The following TBC1D32 variants were observed in gnomAD, a reference collection of about 807,000 sequenced individuals.
TBC1D32 encodes TBC1 domain family member 32, also known as protein broad-minded.
In TBC1D32, 151 loss-of-function variants were observed where a neutral mutation model predicts 170.3. The observed-to-expected ratio is 0.89, with a 90% CI of 0.78 to 1.01. The LOEUF (loss-of-function observed/expected upper bound fraction) is 1.01, where lower values mean the gene tolerates loss of function less well. TBC1D32 is among the 50% of genes least tolerant of loss of function. The pLI, the probability that TBC1D32 is intolerant of heterozygous loss-of-function variation, is 0.00. For missense variants in TBC1D32, 1,464 were observed against 1,457.1 expected (o/e 1.00, Z -0.08); for synonymous variants, 498 against 488.0 (o/e 1.02, Z -0.27).
chr6:121,161,130 A>G, intron 22 of TBC1D32, 74 bp from the exon 23 acceptor site: 6 of 1,148,926 alleles, frequency 5.2e-6, no homozygotes, highest in Non-Finnish European at 7.5e-6. Flanking sequence ...AAGTCTCTGG[A>G]TTGTAAAGAA....
intron 11 of TBC1D32, among the ~76,000 whole-genome samples, chr6:121,293,962 C>A (rs1211008771): frequency 2.6e-5 from 4 of 151,740 alleles, no homozygotes; most frequent in African/African-American, 9.7e-5. Flanking sequence ...AATAAGATAT[C>A]TATTAGTGTA....
At chr6:121,290,303 GA>G (rs1186641282) in intron 12 of TBC1D32, among the ~76,000 whole-genome samples, 1 of 151,840 alleles carries the variant, frequency 6.6e-6, no homozygotes, top group South Asian at 2.1e-4. Context: ...AAATTTACAA[GA>G]AAAAAACAAA....
At chr6:121,169,709 C>G (rs1055960764) in intron 22 of TBC1D32, among the ~76,000 whole-genome samples, 1 of 151,998 alleles carries the variant, frequency 6.6e-6, no homozygotes, top group African/African-American at 2.4e-5. Flanking sequence ...TTTCCTTCTA[C>G]AAAAAACCTA....
intron 31 of TBC1D32, among the ~76,000 whole-genome samples, chr6:121,085,298 TAC>T (rs1430233835): frequency 6.9e-6 from 1 of 145,466 alleles, no homozygotes; most frequent in South Asian, 2.1e-4. Flanking sequence ...CATATATACA[TAC>T]ATATATATAC....
chr6:121,081,216 TTAG>T (rs1775616635), intron 31 of TBC1D32, among the ~76,000 whole-genome samples: 1 of 152,170 alleles, frequency 6.6e-6, no homozygotes, highest in African/African-American at 2.4e-5. Flanking sequence ...AAATTTGTAA[TTAG>T]TAAAGACCCT....
chr6:121,294,780 C>A, intron 10 of TBC1D32, 120 bp from the exon 11 acceptor site: 6 of 776,016 alleles, frequency 7.7e-6, no homozygotes. Flanking sequence ...ATATTTAGTA[C>A]AGTACCTTTC....
intron 24 of TBC1D32, among the ~76,000 whole-genome samples, chr6:121,135,983 C>G (rs988310336): frequency 2.6e-5 from 4 of 152,064 alleles, no homozygotes; most frequent in African/African-American, 9.7e-5. Context: ...GGAAAGGCAA[C>G]AAAATTTAGC....
chr6:121,148,492 TA>T (rs140248731), intron 24 of TBC1D32, among the ~76,000 whole-genome samples: 3,222 of 152,272 alleles, frequency 0.021, 111 homozygotes, highest in African/African-American at 0.073. Flanking sequence ...ATCCTCTGGG[TA>T]TATACACACT....
intron 24 of TBC1D32, among the ~76,000 whole-genome samples, chr6:121,156,563 G>A (rs1235381863): frequency 6.6e-6 from 1 of 151,548 alleles, no homozygotes; most frequent in Non-Finnish European, 1.5e-5. Flanking sequence ...GCTAACTCTG[G>A]AGTCAGGTGG....
chr6:121,268,193 C>G (rs1800812895), intron 15 of TBC1D32, among the ~76,000 whole-genome samples: 1 of 152,124 alleles, frequency 6.6e-6, no homozygotes, highest in Admixed American at 6.6e-5. Flanking sequence ...AAAATCAGAG[C>G]ACTTCTTCTC....
At position 121,159,959 on chromosome 6, in the gene TBC1D32, T is replaced by C. The variant is rs773506067; in HGVS notation, c.2773+51A>G. 4.5e-6 allele frequency: 6 copies of C among 1,323,812 alleles called. No homozygotes were observed. In the East Asian group the frequency reaches 1.4e-4, roughly 31 times the overall value. The allele number at this position is 1,323,812 out of a possible 1,614,324, so 82.0% of individuals were successfully genotyped here. A position where few individuals can be genotyped will look rare whatever the true frequency, so the allele number is the denominator to read the frequency against. The stretch of plus-strand genomic sequence containing the variant: ...TCCTTAATATTTTCTTTTTTTCAAA[T>C]TATAACAAAAGCTTTAAAAATAATA... On this transcript the variant is annotated intron_variant, in intron 24 of 31. Transcript: ENST00000398212.
intron 29 of TBC1D32, among the ~76,000 whole-genome samples, chr6:121,107,248 T>C (rs1778785554): frequency 6.6e-6 from 1 of 151,948 alleles, no homozygotes; most frequent in African/African-American, 2.4e-5. Context: ...TTGCTAATGC[T>C]AGGATGCTTT....
intron 3 of TBC1D32, among the ~76,000 whole-genome samples, chr6:121,311,834 G>C (rs1808260206): frequency 6.6e-6 from 1 of 152,120 alleles, no homozygotes; most frequent in Non-Finnish European, 1.5e-5. Flanking sequence ...AACCATTGTG[G>C]AAGACAGCGT....
In TBC1D32 at chr6:121,085,374, TA is replaced by T. The variant is rs1444334792; in HGVS notation, c.3655-4485del. Among the ~76,000 whole-genome samples the T allele has an allele frequency of 1.7e-4, 16 of 93,188 alleles. No homozygotes were observed. The East Asian group carries it at 4.2e-3, about 24-fold the overall frequency. 61.1% of individuals were successfully genotyped at this position (93,188 alleles called of 152,430 possible). ...ACATATATATACATATATATATGTG[TA>T]TATATATATATATATTCTTCTTGAT... On this transcript the variant is annotated intron_variant, in intron 31 of 31. Transcript: ENST00000398212.
chr6:121,222,408 G>A (rs1794626580), intron 21 of TBC1D32, among the ~76,000 whole-genome samples: 1 of 152,008 alleles, frequency 6.6e-6, no homozygotes, highest in South Asian at 2.1e-4. Flanking sequence ...AAACTTCAAC[G>A]AAAAGAAGAT....
intron 22 of TBC1D32, among the ~76,000 whole-genome samples, chr6:121,173,822 T>C (rs192722497): frequency 1.2e-4 from 19 of 152,028 alleles, no homozygotes; most frequent in Admixed American, 1.0e-3. Context: ...CTAGCTTCTC[T>C]AGCTTCTCTT....
chr6:121,255,411 C>G lies in TBC1D32; in HGVS notation c.1936-1G>C. 1 of 1,446,924 alleles carries G rather than the reference C, an allele frequency of 6.9e-7. No homozygotes were observed. Among genetic ancestry groups the G allele is most frequent in the Non-Finnish European group, 9.1e-7 (1 of 1,094,356 alleles). The allele number at this position is 1,446,924 out of a possible 1,614,324, so 89.6% of individuals were successfully genotyped here. ...GAATTCTTTCTGATAGCAAACTTGT[C>G]TAAAAAATAGTAGAATAATTTATAT... is the stretch of plus-strand genomic sequence containing the variant. On this transcript the variant is annotated splice_acceptor_variant, in intron 16 of 31. Coordinates refer to ENST00000398212, the MANE Select transcript of TBC1D32 (RefSeq NM_152730.6). LOFTEE classifies it high-confidence loss of function.
chr6:121,241,255 T>C (rs1285483799), intron 19 of TBC1D32, among the ~76,000 whole-genome samples: 1 of 152,122 alleles, frequency 6.6e-6, no homozygotes, highest in African/African-American at 2.4e-5. Flanking sequence ...GTTGTATATA[T>C]ATCACAGAAA....
chr6:121,277,487 CA>C (rs755504493), intron 15 of TBC1D32, among the ~76,000 whole-genome samples: 36 of 28,224 alleles, frequency 1.3e-3, no homozygotes, highest in South Asian at 5.8e-3. Context: ...GACTCCATCT[CA>C]AAAAAAAAAA....
Sources: allele counts gnomAD v4.1 joint callset (sites outside exome capture counted in the v4.1 genomes callset), GRCh38; gene constraint gnomAD v4.1.1; transcripts MANE v1.5; gene names NCBI Gene and HGNC (gene_info 2026-07-23, HGNC 2026-07-21).